Variants in RNF111 observed in about 807,000 individuals in gnomAD.
The protein encoded by RNF111 is ring finger protein 111.
Under a neutral mutation model 95.1 loss-of-function variants are expected in RNF111, and 17 were observed. The ratio of observed to expected loss-of-function variants is 0.18; its 90% CI spans 0.12 to 0.27. The LOEUF (loss-of-function observed/expected upper bound fraction) is 0.27. Among genes scored for constraint, RNF111 ranks in the 10% least tolerant of loss-of-function variants. RNF111 has a pLI of 1.00. For missense variants in RNF111, 1,189 were observed against 1,210.4 expected (o/e 0.98, Z 0.26); for synonymous variants, 440 against 414.8 (o/e 1.06, Z -0.74).
At position 59,041,081 on chromosome 15, in the gene RNF111, A is replaced by T. The variant is rs182513318; in HGVS notation, c.880+9379A>T. ...ACTTAATATATACTATTGTTGGGGTATACAGAGATACTGTAGAGGAATGAA... is the reference window on the plus strand; with the variant it reads ...ACTTAATATATACTATTGTTGGGGTTTACAGAGATACTGTAGAGGAATGAA... On this transcript the variant is annotated intron_variant, in intron 2 of 13. Transcript: ENST00000348370. 4.7e-3 allele frequency among the ~76,000 whole-genome samples: 715 copies of T among 152,210 alleles called. 6 individuals carry two copies. Among genetic ancestry groups the T allele is most frequent in the Middle Eastern group, 0.041 (12 of 294 alleles).
At chr15:59,064,760 A>C (rs908705808) in intron 5 of RNF111, among the ~76,000 whole-genome samples, 2 of 151,862 alleles carry the variant, frequency 1.3e-5, no homozygotes, top group African/African-American at 4.8e-5. Context: ...GAAAAAACGA[A>C]TATACAGAAA....
At chr15:59,018,063 T>G (rs1400839792) in intron 1 of RNF111, among the ~76,000 whole-genome samples, 1 of 152,148 alleles carries the variant, frequency 6.6e-6, no homozygotes, top group Non-Finnish European at 1.5e-5. Context: ...CCGGCCTATT[T>G]GTTGAGCTCT....
intron 1 of RNF111, among the ~76,000 whole-genome samples, chr15:59,009,991 A>G (rs1367596119): frequency 6.6e-5 from 10 of 152,106 alleles, no homozygotes; most frequent in African/African-American, 2.4e-4. Context: ...ATTTTGCTAA[A>G]TTGTAAGTTA....
chr15:59,019,105 A>ATTTTTTTTTTTTTTTTTTT (rs35154303), intron 1 of RNF111, among the ~76,000 whole-genome samples: 4 of 121,286 alleles, frequency 3.3e-5, no homozygotes, highest in African/African-American at 1.2e-4. Flanking sequence ...GTATTTTTGT[A>ATTTTTTTTTTTTTTTTTTT]TTTTTTTTTT....
At chr15:59,014,501 G>C (rs1301631036) in intron 1 of RNF111, among the ~76,000 whole-genome samples, 1 of 152,134 alleles carries the variant, frequency 6.6e-6, no homozygotes, top group Non-Finnish European at 1.5e-5. Context: ...TCTATGTGTT[G>C]ACTTTTCTGC....
At chr15:59,067,740 G>A (rs1371866757) in intron 6 of RNF111, among the ~76,000 whole-genome samples, 1 of 152,220 alleles carries the variant, frequency 6.6e-6, no homozygotes, top group Non-Finnish European at 1.5e-5. Flanking sequence ...TAAACAAATT[G>A]TTGAAACTCT....
chr15:59,034,593 A>G (rs1000584161), intron 2 of RNF111, among the ~76,000 whole-genome samples: 1 of 152,222 alleles, frequency 6.6e-6, no homozygotes, highest in African/African-American at 2.4e-5. Context: ...TTTAAAAACT[A>G]TAGTTAAACT....
rs560470949 is a variant in RNF111 at position 58,992,761 on chromosome 15, A to G, written c.-20+4693A>G. Among the ~76,000 whole-genome samples the G allele has an allele frequency of 1.4e-3, 220 of 152,312 alleles. 1 individual carries two copies. The highest frequency in any genetic ancestry group is 2.8e-3 in the Non-Finnish European group (190 of 68,034). ...CTTGAGCCCGGGAGGCAGAGGTTGC[A>G]ATGAGCCGAGATTGTGCCACTGCAT... On this transcript the variant is annotated intron_variant, in intron 1 of 13. Transcript: ENST00000348370.
intron 1 of RNF111, among the ~76,000 whole-genome samples, chr15:59,019,908 G>C (rs1201045682): frequency 6.6e-6 from 1 of 152,022 alleles, no homozygotes; most frequent in Non-Finnish European, 1.5e-5. Flanking sequence ...GCAGTGAGTC[G>C]AGATCGTGCC....
chr15:58,995,774 T>C (rs1463663513), intron 1 of RNF111, among the ~76,000 whole-genome samples: 1 of 149,482 alleles, frequency 6.7e-6, no homozygotes, highest in Non-Finnish European at 1.5e-5. Context: ...CTTTTTTTTT[T>C]TTTTTTTTTT....
chr15:59,012,988 C>T (rs1247528282), intron 1 of RNF111, among the ~76,000 whole-genome samples: 1 of 152,142 alleles, frequency 6.6e-6, no homozygotes, highest in Non-Finnish European at 1.5e-5. Flanking sequence ...ATCCACCTGC[C>T]TTGGCCTCCC....
intron 4 of RNF111, among the ~76,000 whole-genome samples, chr15:59,057,560 C>A (rs974745191): frequency 1.3e-5 from 2 of 152,112 alleles, no homozygotes; most frequent in African/African-American, 4.8e-5. Context: ...TTTAAGCAAC[C>A]ATTTTAAAAT....
Position 59,032,088 on chromosome 15 carries a change from A to T in RNF111, c.880+386A>T, listed in dbSNP as rs567519144. 2.6e-5 allele frequency among the ~76,000 whole-genome samples: 4 copies of T among 152,084 alleles called. 1 individual carries two copies. Among genetic ancestry groups the T allele is most frequent in the African/African-American group, 9.6e-5 (4 of 41,502 alleles). ...CAAGTAGCCAGGATTACAGGTGCCC[A>T]CCACCATGCCCAGCTAATTTTTGTA... On this transcript the variant is annotated intron_variant, in intron 2 of 13. Transcript: ENST00000348370.
chr15:59,033,794 C>T (rs534088986), intron 2 of RNF111, among the ~76,000 whole-genome samples: 37 of 152,124 alleles, frequency 2.4e-4, no homozygotes, highest in African/African-American at 7.7e-4. Flanking sequence ...TTTTCATTGC[C>T]TTTCTTGGCA....
rs184483062 is a variant in RNF111, at chr15:59,055,810, C to T, written c.1136C>T (p.Ala379Val). Residue 379 changes from alanine (A) to valine (V), a missense_variant, in exon 4 of 14, where the codon GCA becomes GTA. By Grantham distance (64) the Ala-to-Val change is moderately conservative. Transcript: ENST00000348370. ...GTTATACAGCCCTTGAGGCAGAATG[C>T]AGCAGAAGTTGTGGACCTTACCGTT... is the stretch of plus-strand genomic sequence containing the variant. ...STVIQPLRQN[A>V]AEVVDLTVDE... 3.7e-4 allele frequency: 593 copies of T among 1,613,580 alleles called. 3 individuals are homozygous for T. The highest frequency in any genetic ancestry group is 1.1e-4 in the African/African-American group (8 of 74,972).
At chr15:59,032,770 A>C (rs2040978173) in intron 2 of RNF111, among the ~76,000 whole-genome samples, 1 of 152,158 alleles carries the variant, frequency 6.6e-6, no homozygotes. Flanking sequence ...CTTTTATTCT[A>C]ATACTAGGAC....
rs1174977178 is a variant in RNF111, at chr15:59,075,955, A to G, written c.1688A>G (p.Gln563Arg). 5 of 1,613,880 alleles carry G rather than the reference A, an allele frequency of 3.1e-6. No individual in the cohort carries two copies. The highest frequency in any genetic ancestry group is 3.4e-6 in the Non-Finnish European group (4 of 1,179,746). ...SSSGTSYHEQ[Q>R]ALPVDLSNSG... ...AAAATATACTTCCTTTTTATCTAGC[A>G]GGCATTGCCAGTGGACCTGAGCAAC... The change falls in exon 7 of 14, where the codon CAG becomes CGG. Residue 563 changes from glutamine to arginine, a missense_variant and splice_region_variant. By Grantham distance (43) the Gln-to-Arg change is conservative. Around this residue, in one of 2 missense-constraint regions of RNF111, gnomAD observed 1,024 missense variants for 925.9 expected, o/e 1.11. Coordinates refer to ENST00000348370, the MANE Select transcript of RNF111 (RefSeq NM_017610.8).
intron 1 of RNF111, among the ~76,000 whole-genome samples, chr15:59,029,315 G>A (rs1221625252): frequency 6.6e-6 from 1 of 152,130 alleles, no homozygotes; most frequent in Non-Finnish European, 1.5e-5. Context: ...TAATTAAAGT[G>A]ATCCTTGTCT....
rs191081004 is a variant in RNF111 at position 59,054,165 on chromosome 15, C to G, written c.1008-1517C>G. Reference sequence around the variant, plus strand: ...TATTAGCCAGGCTGGTCTCGAACTCCTGACCTTGTGATCCACCCGCCTCGG... The same window carrying G: ...TATTAGCCAGGCTGGTCTCGAACTCGTGACCTTGTGATCCACCCGCCTCGG... On this transcript the variant is annotated intron_variant, in intron 3 of 13. Coordinates refer to ENST00000348370, the MANE Select transcript of RNF111 (RefSeq NM_017610.8). Among the ~76,000 whole-genome samples the G allele has an allele frequency of 1.3e-5, 2 of 152,196 alleles. 1 individual carries two copies. Among genetic ancestry groups the G allele is most frequent in the South Asian group, 4.2e-4 (2 of 4,816 alleles).
Sources: allele counts gnomAD v4.1 joint callset (sites outside exome capture counted in the v4.1 genomes callset), GRCh38; gene constraint gnomAD v4.1.1; regional missense constraint gnomAD v4.1.1; transcripts MANE v1.5; gene names NCBI Gene and HGNC (gene_info 2026-07-23, HGNC 2026-07-21).